Variants in PTCH1 observed in about 807,000 individuals in gnomAD.
PTCH1 encodes the protein patched 1.
In PTCH1, 14 loss-of-function variants were observed where a neutral mutation model predicts 144.6. The ratio of observed to expected loss-of-function variants is 0.10; its 90% CI spans 0.06 to 0.15. The LOEUF is 0.15. PTCH1 is among the 10% of genes least tolerant of loss of function. PTCH1 has a pLI of 1.00. For missense variants in PTCH1, 1,623 were observed against 1,948.3 expected (o/e 0.83, Z 3.14); for synonymous variants, 833 against 793.6 (o/e 1.05, Z -0.83).
Position 95,476,688 on chromosome 9 carries a change from A to C in PTCH1, c.1602+71T>G. ...TTACTGGGTCAGACTGAGGAAAATT[A>C]AAGGACAAATACTTAGGAACAGAGG... On this transcript the variant is annotated intron_variant, in intron 11 of 23. Transcript: ENST00000331920. The surrounding 1 kb of genome is among the most constrained non-coding windows in gnomAD (Gnocchi z 4.6). 2 of 1,440,942 alleles carry C rather than the reference A, an allele frequency of 1.4e-6. No individual in the cohort carries two copies. Among genetic ancestry groups the C allele is most frequent in the Non-Finnish European group, 1.9e-6 (2 of 1,040,550 alleles). 89.3% of individuals were successfully genotyped at this position (1,440,942 alleles called of 1,614,324 possible).
At chr9:95,498,284 T>C (rs1277847597) in intron 2 of PTCH1, among the ~76,000 whole-genome samples, 1 of 152,222 alleles carries the variant, frequency 6.6e-6, no homozygotes, top group Non-Finnish European at 1.5e-5. Flanking sequence ...AGCAGTGGCA[T>C]TATGGGACCC....
chr9:95,483,736 T>C (rs1204550132), intron 3 of PTCH1: 1 of 152,250 alleles, frequency 6.6e-6, no homozygotes, highest in East Asian at 1.9e-4. Flanking sequence ...GTGCCTAACT[T>C]ACCCATATCT....
At position 95,477,473 on chromosome 9, in the gene PTCH1, G is replaced by C. The variant is rs180694754; in HGVS notation, c.1503+74C>G. On this transcript the variant is annotated intron_variant, in intron 10 of 23. Coordinates refer to ENST00000331920, the MANE Select transcript of PTCH1 (RefSeq NM_000264.5). The stretch of plus-strand genomic sequence containing the variant: ...GGTGAGAAGGACACACAGCACACAG[G>C]AGGCTGGCTGGGCCAAGCCTGGGGG... 709 of 1,587,312 alleles carry C rather than the reference G, an allele frequency of 4.5e-4. 2 individuals carry two copies. The highest frequency in any genetic ancestry group is 4.5e-4 in the Non-Finnish European group (522 of 1,156,472).
In PTCH1 at chr9:95,508,009, TTGTC is replaced by T. The variant is rs1384516414; in HGVS notation, c.201+148_201+151del. The T allele has an allele frequency of 2.8e-5, 43 of 1,522,094 alleles. No homozygotes were observed. The East Asian group carries it at 3.0e-4, about 11-fold the overall frequency. The allele number at this position is 1,522,094 out of a possible 1,614,324, so 94.3% of individuals were successfully genotyped here. A position where few individuals can be genotyped will look rare whatever the true frequency, so the allele number is the denominator to read the frequency against. ...AGGGTTTGAATTTTTCAATCCCCAT[TTGTC>T]TGCTGCTTTTCCTGGAGAGGTGTGA... On this transcript the variant is annotated intron_variant, in intron 1 of 23. Transcript: ENST00000331920.
At chr9:95,511,743 A>G (rs74665512), upstream of PTCH1, among the ~76,000 whole-genome samples, 182 of 152,328 alleles carry the variant, frequency 1.2e-3, no homozygotes, top group African/African-American at 4.3e-3. Flanking sequence ...ACAGGAAAAG[A>G]GGTTTACTAT....
intron 12 of PTCH1, among the ~76,000 whole-genome samples, chr9:95,473,184 T>C (rs1463926060): frequency 1.3e-5 from 2 of 152,236 alleles, no homozygotes; most frequent in Admixed American, 6.5e-5. Context: ...TTTAGGCAGA[T>C]GGATAAAGGC....
At chr9:95,512,348 C>A (rs1162524847), upstream of PTCH1, among the ~76,000 whole-genome samples, 1 of 152,176 alleles carries the variant, frequency 6.6e-6, no homozygotes, top group Non-Finnish European at 1.5e-5. Flanking sequence ...TCCGGAGCCT[C>A]GGCTCTAACG....
At chr9:95,515,014 A>C (rs1587709380) in intron 1 of PTCH1, among the ~76,000 whole-genome samples, 1 of 152,320 alleles carries the variant, frequency 6.6e-6, no homozygotes, top group East Asian at 1.9e-4. Flanking sequence ...GAACACACAT[A>C]AACTCACAAT....
At chr9:95,514,931 A>G (rs1165937532) in intron 1 of PTCH1, among the ~76,000 whole-genome samples, 2 of 152,228 alleles carry the variant, frequency 1.3e-5, no homozygotes, top group South Asian at 2.1e-4. Flanking sequence ...CCTTGATTCA[A>G]CATTTTAATT....
intron 3 of PTCH1, 139 bp from the exon 4 acceptor site, chr9:95,482,342 C>T: frequency 1.3e-6 from 1 of 783,878 alleles, no homozygotes; most frequent in East Asian, 2.7e-5. Context: ...GAGCTTTTGC[C>T]AAGTAGAGAC....
Position 95,485,889 on chromosome 9 carries a change from C to A in PTCH1, c.395-15G>T, listed in dbSNP as rs201595362. 1.9e-6 allele frequency: 3 copies of A among 1,614,054 alleles called. No homozygotes were observed. The highest frequency in any genetic ancestry group is 2.5e-6 in the Non-Finnish European group (3 of 1,179,950). The stretch of plus-strand genomic sequence containing the variant: ...TCGTCCTCCAACTGACAAATATGTA[C>A]AGGTTTAATTAGAATAGCAAAATCA... On this transcript the variant is annotated splice_polypyrimidine_tract_variant and intron_variant, in intron 2 of 23. Transcript: ENST00000331920.
At chr9:95,514,532 T>C (rs1487869108) in intron 1 of PTCH1, 1 of 152,174 alleles carries the variant, frequency 6.6e-6, no homozygotes, top group African/African-American at 2.4e-5. Context: ...TGTGTGTCTT[T>C]CTTTCATACT....
At position 95,494,333 on chromosome 9, in the gene PTCH1, C is replaced by T. The variant is rs111665193; in HGVS notation, c.395-8459G>A. The T allele has an allele frequency of 2.2e-3, 2,159 of 985,522 alleles. 44 individuals are homozygous for T. In the African/African-American group the frequency reaches 0.035, roughly 16 times the overall value. The allele number at this position is 985,522 out of a possible 1,614,324, so 61.0% of individuals were successfully genotyped here. Reference sequence around the variant, plus strand: ...ACGCTGGACCTGCTGCCTGTCGCAGCTCCCACCAGCTCCCAAGGAGCCACG... The same window carrying T: ...ACGCTGGACCTGCTGCCTGTCGCAGTTCCCACCAGCTCCCAAGGAGCCACG... On this transcript the variant is annotated intron_variant, in intron 2 of 23. Transcript: ENST00000331920.
chr9:95,501,539 T>TA (rs35918689), intron 2 of PTCH1, among the ~76,000 whole-genome samples: 47,724 of 145,296 alleles, frequency 0.33, 7,842 homozygotes, highest in African/African-American at 0.38. Context: ...CTATTTTTCT[T>TA]AAAAAAAAAA....
At chr9:95,448,826 G>A (rs903033063) in intron 22 of PTCH1, among the ~76,000 whole-genome samples, 1 of 152,038 alleles carries the variant, frequency 6.6e-6, no homozygotes, top group Non-Finnish European at 1.5e-5. Context: ...TTTGTGCAGT[G>A]ACATTACTGG....
At position 95,459,842 on chromosome 9, in the gene PTCH1, T is replaced by C. The variant is rs1448368301; in HGVS notation, c.2704-59A>G. On this transcript the variant is annotated intron_variant, in intron 16 of 23. Coordinates refer to ENST00000331920, the MANE Select transcript of PTCH1 (RefSeq NM_000264.5). Reference sequence around the variant, plus strand: ...ATGGGGTTGGGGGTAAACACACTTCTGCCTTGAGAGCACAGAAGCTGAGCT... The same window carrying C: ...ATGGGGTTGGGGGTAAACACACTTCCGCCTTGAGAGCACAGAAGCTGAGCT... 6 of 1,571,760 alleles carry C rather than the reference T, an allele frequency of 3.8e-6. No homozygotes were observed. In the East Asian group the frequency reaches 1.3e-4, roughly 35 times the overall value.
chr9:95,460,360 T>A (rs1839353551), intron 16 of PTCH1, among the ~76,000 whole-genome samples: 1 of 152,322 alleles, frequency 6.6e-6, no homozygotes, highest in Admixed American at 6.5e-5. Context: ...GAGGTCGTAG[T>A]ACTCCGCACG....
chr9:95,477,725 A>G, intron 9 of PTCH1, 23 bp from the exon 10 acceptor site: 1 of 1,613,758 alleles, frequency 6.2e-7, no homozygotes, highest in South Asian at 1.1e-5. Flanking sequence ...CAATGGGGGC[A>G]CAGAACAAAA....
Position 95,443,798 on chromosome 9 carries a change from T to C in PTCH1, c.*2595A>G, listed in dbSNP as rs1837658510. On this transcript the variant is annotated 3_prime_UTR_variant, in exon 24 of 24. Transcript: ENST00000331920. The stretch of plus-strand genomic sequence containing the variant: ...TAAATTATATGGCATACTTTTATCT[T>C]TGTAATTGAAATGACACAAACTCAT... The C allele has an allele frequency of 6.6e-6, 1 of 152,664 alleles. No individual in the cohort carries two copies. Among genetic ancestry groups the C allele is most frequent in the South Asian group, 2.1e-4 (1 of 4,830 alleles). 9.5% of individuals were successfully genotyped at this position (152,664 alleles called of 1,614,324 possible).
Sources: allele counts gnomAD v4.1 joint callset (sites outside exome capture counted in the v4.1 genomes callset), GRCh38; gene constraint gnomAD v4.1.1; non-coding constraint Gnocchi (gnomAD v3.1); transcripts MANE v1.5; gene names NCBI Gene and HGNC (gene_info 2026-07-23, HGNC 2026-07-21).